CD33: variants seen among roughly 807,000 people sequenced by gnomAD.
CD33 encodes CD33 molecule.
In CD33, 25 loss-of-function variants were observed where a neutral mutation model predicts 31.4. That is an observed-to-expected ratio of 0.80 (90% confidence interval 0.58 to 1.11). The LOEUF is 1.11. Among genes scored for constraint, CD33 ranks in the 50% most tolerant of loss-of-function variants. CD33 has a pLI of 0.00. For missense variants in CD33, 407 were observed against 448.1 expected, an observed-to-expected ratio of 0.91 and a Z score of 0.83; for synonymous variants, 176 against 180.6, an observed-to-expected ratio of 0.97 and a Z score of 0.20.
At chr19:51,238,952 A>T (rs758710427) in intron 6 of CD33, 1 of 152,392 alleles carries the variant, frequency 6.6e-6, no homozygotes, top group African/African-American at 2.4e-5. Flanking sequence ...CTACCACACC[A>T]TGAGCTCCAC....
rs1010937245 is a variant in CD33, at chr19:51,235,648, C to A, written c.896C>A (p.Thr299Asn). The change falls in exon 6 of 7, where the codon ACC becomes AAC. Residue 299 changes from threonine (T) to asparagine (N), a missense_variant. Transcript: ENST00000262262. Reference protein sequence around the residue: ...AARTAVGRNDTHPTTGSASPK... With the variant: ...AARTAVGRNDNHPTTGSASPK... ...AGGACAGCAGTGGGCAGGAATGACACCCACCCTACCACAGGGTCAGCCTCC... is the reference window on the plus strand; with the variant it reads ...AGGACAGCAGTGGGCAGGAATGACAACCACCCTACCACAGGGTCAGCCTCC... The A allele has an allele frequency of 1.2e-6, 2 of 1,613,938 alleles. No homozygotes were observed. The highest frequency in any genetic ancestry group is 1.7e-6 in the Non-Finnish European group (2 of 1,179,948).
At chr19:51,235,985 C>T (rs982226531) in intron 6 of CD33, 9 of 633,610 alleles carry the variant, frequency 1.4e-5, no homozygotes, top group East Asian at 5.7e-5. Context: ...GGTGAAACCC[C>T]GTCTCTACTA....
At chr19:51,216,391 A>G in the CD33 span, among the ~76,000 whole-genome samples, 39 of 152,168 alleles carry the variant, frequency 2.6e-4, no homozygotes, top group Non-Finnish European at 5.4e-4. Context: ...ACTGGTAGAC[A>G]TAGCATCAGA....
At chr19:51,220,563 T>C (rs1269806375), upstream of CD33, among the ~76,000 whole-genome samples, 3 of 152,218 alleles carry the variant, frequency 2.0e-5, no homozygotes, top group Admixed American at 2.0e-4. Context: ...AGGACTCTTG[T>C]AGGACTCTTG....
chr19:51,226,853 T>A (rs1439147972), intron 4 of CD33, among the ~76,000 whole-genome samples: 2 of 151,844 alleles, frequency 1.3e-5, no homozygotes, highest in African/African-American at 4.8e-5. Flanking sequence ...CTTTAACAAA[T>A]CTCTCTCCTT....
intron 4 of CD33, among the ~76,000 whole-genome samples, chr19:51,233,162 A>G (rs1981539390): frequency 6.6e-6 from 1 of 152,146 alleles, no homozygotes; most frequent in Non-Finnish European, 1.5e-5. Flanking sequence ...ATGTCCACAG[A>G]AGGCGTCTGG....
At position 51,235,653 on chromosome 19, in the gene CD33, C is replaced by A. The variant is rs1386976331; in HGVS notation, c.901C>A (p.Pro301Thr). The change falls in exon 6 of 7, where the codon CCT becomes ACT. Residue 301 changes from proline to threonine, a missense_variant. Pro to Thr is a conservative substitution (Grantham distance 38). Transcript: ENST00000262262. ...RTAVGRNDTH[P>T]TTGSASPKHQ... The stretch of plus-strand genomic sequence containing the variant: ...AGCAGTGGGCAGGAATGACACCCAC[C>A]CTACCACAGGGTCAGCCTCCCCGGT... 1 of 1,613,768 alleles carries A rather than the reference C, an allele frequency of 6.2e-7. No individual in the cohort carries two copies. The highest frequency in any genetic ancestry group is 8.5e-7 in the Non-Finnish European group (1 of 1,179,966).
chr19:51,222,894 C>A (rs897766291), upstream of CD33, among the ~76,000 whole-genome samples: 1 of 152,070 alleles, frequency 6.6e-6, no homozygotes, highest in Non-Finnish European at 1.5e-5. Context: ...ATCTTCTGGT[C>A]CATGAACATA....
At chr19:51,223,881 C>G (rs184835921), upstream of CD33, among the ~76,000 whole-genome samples, 1 of 152,288 alleles carries the variant, frequency 6.6e-6, no homozygotes, top group Admixed American at 6.5e-5. Context: ...CAACTTTTCA[C>G]AGCTCTAAAG....
At chr19:51,229,245 C>G (rs1037581646) in intron 4 of CD33, among the ~76,000 whole-genome samples, 1 of 152,172 alleles carries the variant, frequency 6.6e-6, no homozygotes, top group Non-Finnish European at 1.5e-5. Flanking sequence ...ATTAATCCCA[C>G]TTTATCATGG....
At chr19:51,222,743 A>C (rs1350672931), upstream of CD33, among the ~76,000 whole-genome samples, 1 of 152,218 alleles carries the variant, frequency 6.6e-6, no homozygotes, top group Non-Finnish European at 1.5e-5. Flanking sequence ...GTATATCTGC[A>C]GTGTGGTGAG....
chr19:51,211,285 G>C, the CD33 span: 1 of 1,572,274 alleles, frequency 6.4e-7, no homozygotes, highest in Non-Finnish European at 8.7e-7. Flanking sequence ...GTGCGTCCTC[G>C]TGCCCTGCAC....
intron 6 of CD33, chr19:51,235,960 T>C (rs147493755): frequency 0.024 from 16,320 of 685,546 alleles, 246 homozygotes; most frequent in South Asian, 0.027. Context: ...AGATTGAGAC[T>C]ATCCTGGCTA....
At chr19:51,233,182 G>A (rs756944806) in intron 4 of CD33, among the ~76,000 whole-genome samples, 13 of 152,332 alleles carry the variant, frequency 8.5e-5, no homozygotes, top group South Asian at 2.1e-4. Context: ...GGCACCGTAA[G>A]GCTGTTTCTC....
intron 4 of CD33, among the ~76,000 whole-genome samples, chr19:51,227,902 G>A (rs1315323607): frequency 1.3e-5 from 2 of 152,122 alleles, no homozygotes; most frequent in East Asian, 3.9e-4. Flanking sequence ...TGTATAGGAC[G>A]AGAGGTGTGA....
Position 51,239,666 on chromosome 19 carries a change from A to T in CD33, c.1073A>T (p.Tyr358Phe). 6.2e-7 allele frequency: 1 copy of T among 1,612,284 alleles called. No individual in the cohort carries two copies. Among genetic ancestry groups the T allele is most frequent in the Non-Finnish European group, 8.5e-7 (1 of 1,179,448 alleles). ...MNPSKDTSTEYSEVRTQ is the reference protein window; with the variant it reads ...MNPSKDTSTEFSEVRTQ ...CCTTCCAAGGACACCTCCACCGAAT[A>T]CTCAGAGGTCAGGACCCAGTGAGGA... Residue 358 changes from tyrosine to phenylalanine, a missense_variant, in exon 7 of 7, where the codon TAC (tyrosine) becomes TTC (phenylalanine). By Grantham distance (22) the Tyr-to-Phe change is conservative. Coordinates refer to ENST00000262262, the MANE Select transcript of CD33 (RefSeq NM_001772.4).
At chr19:51,231,496 A>G (rs1381697718) in intron 4 of CD33, among the ~76,000 whole-genome samples, 2 of 152,032 alleles carry the variant, frequency 1.3e-5, no homozygotes, top group Non-Finnish European at 2.9e-5. Context: ...TTACATACAC[A>G]TTATTATTAA....
At chr19:51,226,254 T>C (rs530607314) in intron 3 of CD33, 55 bp from the exon 4 acceptor site, 37 of 1,563,476 alleles carry the variant, frequency 2.4e-5, no homozygotes, top group Non-Finnish European at 3.0e-5. Flanking sequence ...GGGAAATGCC[T>C]ACCCTTATCT....
the CD33 span, among the ~76,000 whole-genome samples, chr19:51,212,283 G>A: frequency 6.6e-6 from 1 of 152,050 alleles, no homozygotes; most frequent in African/African-American, 2.4e-5. Flanking sequence ...CCAACTGAAT[G>A]GGAAATCCTC....
Sources: allele counts gnomAD v4.1 joint callset (sites outside exome capture counted in the v4.1 genomes callset), GRCh38; gene constraint gnomAD v4.1.1; transcripts MANE v1.5; gene names NCBI Gene and HGNC (gene_info 2026-07-23, HGNC 2026-07-21).